The following KRT79 variants were observed in gnomAD, a reference collection of about 807,000 sequenced individuals.
The protein encoded by KRT79 is keratin 79, also known as keratin, type II cytoskeletal 79.
A neutral mutation model predicts 49.0 loss-of-function variants in KRT79; 51 were observed. The observed-to-expected ratio is 1.04, with a 90% CI of 0.83 to 1.31. The LOEUF is 1.31. KRT79 is among the 40% of genes most tolerant of loss of function. The probability of loss-of-function intolerance (pLI) is 0.00; values close to 1 mark genes in which losing one functional copy is unlikely to be tolerated. For missense variants in KRT79, 728 were observed against 688.0 expected, an observed-to-expected ratio of 1.06 and a Z score of -0.65; for synonymous variants, 312 against 286.6, an observed-to-expected ratio of 1.09 and a Z score of -0.90.
At chr12:52,832,260 C>G (rs1228887298) in intron 1 of KRT79, among the ~76,000 whole-genome samples, 1 of 151,874 alleles carries the variant, frequency 6.6e-6, no homozygotes, top group Non-Finnish European at 1.5e-5. Context: ...AGAGCAAGAC[C>G]CTGTCTCAAA....
chr12:52,821,613 C>CGCCGTATCATTTA lies in KRT79; in HGVS notation c.*258_*259insTAAATGATACGGC. On this transcript the variant is annotated 3_prime_UTR_variant, in exon 9 of 9. Coordinates refer to ENST00000330553, the MANE Select transcript of KRT79 (RefSeq NM_175834.3). ...AGAAATTCAGCCTCCTCTCGGTGGTCAAAAGGTCACCCCCAAGTCACCCAA... is the reference window on the plus strand; with the variant it reads ...AGAAATTCAGCCTCCTCTCGGTGGTCGCCGTATCATTTAAAAAGGTCACCCCCAAGTCACCCAA... The CGCCGTATCATTTA allele has an allele frequency of 2.0e-6, 1 of 494,336 alleles. No homozygotes were observed. Among genetic ancestry groups the CGCCGTATCATTTA allele is most frequent in the East Asian group, 3.5e-5 (1 of 28,686 alleles). The allele number at this position is 494,336 out of a possible 1,614,324, so 30.6% of individuals were successfully genotyped here.
intron 2 of KRT79, among the ~76,000 whole-genome samples, chr12:52,831,074 A>C (rs937496990): frequency 7.3e-6 from 1 of 137,836 alleles, no homozygotes; most frequent in Non-Finnish European, 1.5e-5. Context: ...AGGCAAAGGT[A>C]AAAAAAAAAG....
rs202176426 is a variant in KRT79 at position 52,824,234 on chromosome 12, C to T, written c.984G>A (p.Arg328=). The T allele has an allele frequency of 3.8e-5, 61 of 1,614,274 alleles. No individual in the cohort carries two copies. Among genetic ancestry groups the T allele is most frequent in the Middle Eastern group, 1.7e-4 (1 of 6,056 alleles). The stretch of plus-strand genomic sequence containing the variant: ...ACCAGGCCTCGGCCTCAGCCCGGCT[C>T]CTCTGGGCAATCAGCTCATACTGGG... The part of the protein sequence containing the change: ...VKAQYELIAQ[R]SRAEAEAWYQ... The change falls in exon 5 of 9, where the codon AGG becomes AGA. Residue 328 remains arginine, a synonymous_variant. Coordinates refer to ENST00000330553, the MANE Select transcript of KRT79 (RefSeq NM_175834.3).
At position 52,831,552 on chromosome 12, in the gene KRT79, C is replaced by T. The variant is rs1940255945; in HGVS notation, c.552G>A (p.Leu184=). Residue 184 remains leucine, a synonymous_variant, in exon 2 of 9, where the codon TTG becomes TTA. Coordinates refer to ENST00000330553, the MANE Select transcript of KRT79 (RefSeq NM_175834.3). ...GCTCCAGGTTGTTCCTGGTGACACCCAAGTTCTGGCCCTGCTCCTGCAGCA... is the reference window on the plus strand; with the variant it reads ...GCTCCAGGTTGTTCCTGGTGACACCTAAGTTCTGGCCCTGCTCCTGCAGCA... ...WALLQEQGQN[L]GVTRNNLEPL... 6.2e-7 allele frequency: 1 copy of T among 1,614,226 alleles called. No homozygotes were observed.
In KRT79 at chr12:52,821,624, C is replaced by G; in HGVS notation, c.*248G>C. On this transcript the variant is annotated 3_prime_UTR_variant, in exon 9 of 9. Coordinates refer to ENST00000330553, the MANE Select transcript of KRT79 (RefSeq NM_175834.3). Reference sequence around the variant, plus strand: ...CTCCTCTCGGTGGTCAAAAGGTCACCCCCAAGTCACCCAAGCACATCACTC... The same window carrying G: ...CTCCTCTCGGTGGTCAAAAGGTCACGCCCAAGTCACCCAAGCACATCACTC... 3.1e-6 allele frequency: 1 copy of G among 320,696 alleles called. No individual in the cohort carries two copies. The highest frequency in any genetic ancestry group is 8.9e-5 in the South Asian group (1 of 11,218). The allele number at this position is 320,696 out of a possible 1,614,324, so 19.9% of individuals were successfully genotyped here. A position where few individuals can be genotyped will look rare whatever the true frequency, so the allele number is the denominator to read the frequency against.
intron 5 of KRT79, 50 bp downstream of exon 5, chr12:52,824,148 A>G: frequency 6.2e-7 from 1 of 1,613,346 alleles, no homozygotes; most frequent in Non-Finnish European, 8.5e-7. Context: ...TCACGATGGG[A>G]GATCTGATCC....
chr12:52,831,073 T>TA (rs139849362), intron 2 of KRT79, among the ~76,000 whole-genome samples: 4,247 of 145,874 alleles, frequency 0.029, 198 homozygotes, highest in African/African-American at 0.1. Flanking sequence ...AAGGCAAAGG[T>TA]AAAAAAAAAA....
chr12:52,823,882 C>A lies in KRT79; in HGVS notation c.1146+5G>T, dbSNP rs548810644. 1.2e-6 allele frequency: 2 copies of A among 1,612,588 alleles called. No homozygotes were observed. The highest frequency in any genetic ancestry group is 2.2e-5 in the South Asian group (2 of 91,010). The stretch of plus-strand genomic sequence containing the variant: ...CAGACCCCCAAGCCCCCAGTAGAGT[C>A]CCACCTGCTTCTTGGCTGCATCAGC... On this transcript the variant is annotated splice_donor_5th_base_variant and intron_variant, in intron 6 of 8. Transcript: ENST00000330553.
At position 52,833,994 on chromosome 12, in the gene KRT79, G is replaced by T; in HGVS notation, c.267C>A (p.Gly89=). The T allele has an allele frequency of 6.2e-7, 1 of 1,612,476 alleles. No individual in the cohort carries two copies. The highest frequency in any genetic ancestry group is 1.3e-5 in the African/African-American group (1 of 74,922). ...GTCCCATAAATGCCCTGCTGCCAAAGCCAAAGCCCCCCAGAGCCCGCCCCA... is the reference window on the plus strand; with the variant it reads ...GTCCCATAAATGCCCTGCTGCCAAATCCAAAGCCCCCCAGAGCCCGCCCCA... ...ALLGRALGGF[G]FGSRAFMGQG... Residue 89 remains glycine, a synonymous_variant, in exon 1 of 9, where the codon GGC becomes GGA. Transcript: ENST00000330553.
chr12:52,821,614 A>ACAGTATCATT lies in KRT79; in HGVS notation c.*257_*258insAATGATACTG. 5.1e-5 allele frequency: 20 copies of ACAGTATCATT among 391,578 alleles called. No homozygotes were observed. Among genetic ancestry groups the ACAGTATCATT allele is most frequent in the South Asian group, 1.6e-4 (5 of 30,830 alleles). 24.3% of individuals were successfully genotyped at this position (391,578 alleles called of 1,614,324 possible). On this transcript the variant is annotated 3_prime_UTR_variant, in exon 9 of 9. Transcript: ENST00000330553. ...GAAATTCAGCCTCCTCTCGGTGGTCAAAAGGTCACCCCCAAGTCACCCAAG... is the reference window on the plus strand; with the variant it reads ...GAAATTCAGCCTCCTCTCGGTGGTCACAGTATCATTAAAGGTCACCCCCAAGTCACCCAAG...
At chr12:52,822,884 T>G (rs760530645) in intron 7 of KRT79, 132 bp downstream of exon 7, 1 of 829,862 alleles carries the variant, frequency 1.2e-6, no homozygotes, top group Non-Finnish European at 1.8e-6. Flanking sequence ...CAAGCAGATT[T>G]TCCCCCCGCG....
At chr12:52,832,337 T>C (rs1187205679) in intron 1 of KRT79, among the ~76,000 whole-genome samples, 1 of 152,134 alleles carries the variant, frequency 6.6e-6, no homozygotes, top group Non-Finnish European at 1.5e-5. Context: ...TATGTTGTAC[T>C]ATTCTTGCAA....
intron 4 of KRT79, among the ~76,000 whole-genome samples, 199 bp from the exon 5 acceptor site, chr12:52,824,561 A>T (rs975148326): frequency 2.6e-5 from 4 of 152,156 alleles, no homozygotes; most frequent in Non-Finnish European, 5.9e-5. Flanking sequence ...ATTTTTACAG[A>T]CTTCATTTAT....
chr12:52,831,398 C>T lies in KRT79; in HGVS notation c.698+8G>A, dbSNP rs377235432. On this transcript the variant is annotated splice_region_variant and intron_variant, in intron 2 of 8. Transcript: ENST00000330553. ...CCCACATGGCCCCGCCTGGCCTGCTCTCCTCACTTGTTCTTGAAGTCCTCC... is the reference window on the plus strand; with the variant it reads ...CCCACATGGCCCCGCCTGGCCTGCTTTCCTCACTTGTTCTTGAAGTCCTCC... 3 of 1,613,846 alleles carry T rather than the reference C, an allele frequency of 1.9e-6. No individual in the cohort carries two copies. The highest frequency in any genetic ancestry group is 1.3e-5 in the African/African-American group (1 of 75,044).
intron 4 of KRT79, among the ~76,000 whole-genome samples, chr12:52,827,311 C>CTTTTTTTTTTTTTTTTTTTTTTTTTTTTT (rs1940190068): frequency 2.6e-5 from 4 of 152,134 alleles, no homozygotes; most frequent in African/African-American, 9.7e-5. Context: ...AGAGCTGAGA[C>CTTTTTTTTTTTTTTTTTTTTTTTTTTTTT]TTTGTCTTTG....
Position 52,830,124 on chromosome 12 carries a change from G to A in KRT79, c.760-6C>T, listed in dbSNP as rs370154112. 75 of 1,613,938 alleles carry A rather than the reference G, an allele frequency of 4.6e-5. No individual in the cohort carries two copies. In the African/African-American group the frequency reaches 8.5e-4, roughly 18 times the overall value. On this transcript the variant is annotated splice_polypyrimidine_tract_variant and splice_region_variant and intron_variant, in intron 3 of 8. Coordinates refer to ENST00000330553, the MANE Select transcript of KRT79 (RefSeq NM_175834.3). ...ATGTATGCTGCATCCACATCCTGGG[G>A]ACGAGAGAGCAAGACAGATCCTCAG...
intron 4 of KRT79, 41 bp downstream of exon 4, chr12:52,829,982 T>C (rs369909403): frequency 1.9e-6 from 3 of 1,545,032 alleles, no homozygotes; most frequent in Non-Finnish European, 2.7e-6. Context: ...CAGTGCTGTT[T>C]ATAGTGTATG....
chr12:52,826,074 C>T (rs1270527154), intron 4 of KRT79, among the ~76,000 whole-genome samples: 1 of 152,082 alleles, frequency 6.6e-6, no homozygotes, highest in Non-Finnish European at 1.5e-5. Flanking sequence ...CTGTCAGCAT[C>T]ATCTTGACGC....
chr12:52,830,483 C>A (rs1429011202), intron 2 of KRT79, 191 bp from the exon 3 acceptor site: 4 of 582,984 alleles, frequency 6.9e-6, no homozygotes, highest in Non-Finnish European at 9.2e-6. Context: ...TCTCTCCCCA[C>A]CCCATTTTAG....
Sources: allele counts gnomAD v4.1 joint callset (sites outside exome capture counted in the v4.1 genomes callset), GRCh38; gene constraint gnomAD v4.1.1; transcripts MANE v1.5; gene names NCBI Gene and HGNC (gene_info 2026-07-23, HGNC 2026-07-21).